Variants in NLGN4Y observed in about 807,000 individuals in gnomAD.
NLGN4Y encodes the protein neuroligin-4, Y-linked.
A neutral mutation model predicts 8.4 loss-of-function variants in NLGN4Y; 4 were observed. The observed-to-expected ratio is 0.48, with a 90% confidence interval of 0.23 to 1.09. The LOEUF (loss-of-function observed/expected upper bound fraction) is 1.09. Among genes scored for constraint, NLGN4Y ranks in the 50% least tolerant of loss-of-function variants. The pLI is 0.19. For missense variants in NLGN4Y, 90 were observed against 192.3 expected (o/e 0.47, Z 3.15); for synonymous variants, 35 against 75.6 (o/e 0.46, Z 2.78).
chrY:14,678,568 G>A, intron 2 of NLGN4Y, among the ~76,000 whole-genome samples: 2 of 33,239 alleles, frequency 6.0e-5, no homozygotes, highest in African/African-American at 2.3e-4. Flanking sequence ...ATAGTGAGAA[G>A]GTGTCATGTC....
chrY:14,664,413 C>G, intron 2 of NLGN4Y, among the ~76,000 whole-genome samples: 1 of 33,007 alleles, frequency 3.0e-5, no homozygotes, highest in Non-Finnish European at 7.5e-5. Flanking sequence ...AACACCCAGC[C>G]CCACCACATA....
intron 2 of NLGN4Y, among the ~76,000 whole-genome samples, chrY:14,661,197 G>T: frequency 5.9e-5 from 2 of 33,801 alleles, no homozygotes; most frequent in Non-Finnish European, 7.3e-5. Flanking sequence ...GCAGCAACGT[G>T]CATGTGGCTG....
At chrY:14,778,289 G>A in intron 4 of NLGN4Y, among the ~76,000 whole-genome samples, 1 of 32,804 alleles carries the variant, frequency 3.0e-5, no homozygotes, top group Non-Finnish European at 7.5e-5. Context: ...AATTTTATTA[G>A]GTTGAGCACA....
intron 2 of NLGN4Y, among the ~76,000 whole-genome samples, chrY:14,660,135 G>T: frequency 3.0e-5 from 1 of 32,991 alleles, no homozygotes; most frequent in South Asian, 6.7e-4. Context: ...TTAAAATGAG[G>T]TTAGTCTCAT....
intron 2 of NLGN4Y, among the ~76,000 whole-genome samples, chrY:14,634,495 G>A (rs906788807): frequency 2.7e-4 from 9 of 33,509 alleles, no homozygotes; most frequent in Admixed American, 1.9e-3. Context: ...GCTGAGGTGG[G>A]AGGATCACTT....
chrY:14,594,567 T>TAA, intron 1 of NLGN4Y, among the ~76,000 whole-genome samples: 1 of 32,647 alleles, frequency 3.1e-5, no homozygotes, highest in South Asian at 7.1e-4. Flanking sequence ...CCAGGTTTAA[T>TAA]AATGTCTCTA....
chrY:14,730,398 A>G (rs2080967828), intron 4 of NLGN4Y, among the ~76,000 whole-genome samples: 1 of 32,599 alleles, frequency 3.1e-5, no homozygotes, highest in Admixed American at 2.8e-4. Context: ...TCAGAATAAG[A>G]CTCCATCTAA....
intron 1 of NLGN4Y, among the ~76,000 whole-genome samples, chrY:14,545,559 T>C (rs1603499261): frequency 3.0e-5 from 1 of 33,875 alleles, no homozygotes; most frequent in African/African-American, 1.2e-4. Flanking sequence ...TCATGTGTTT[T>C]TTGGCTGCAT....
intron 2 of NLGN4Y, among the ~76,000 whole-genome samples, chrY:14,627,396 G>T: frequency 5.9e-5 from 2 of 33,666 alleles, no homozygotes; most frequent in Admixed American, 2.6e-4. Flanking sequence ...CCACCGTTGG[G>T]GGGGCTAGGG....
chrY:14,608,379 A>G (rs2080454633), intron 1 of NLGN4Y, among the ~76,000 whole-genome samples: 1 of 33,320 alleles, frequency 3.0e-5, no homozygotes, highest in Non-Finnish European at 7.4e-5. Context: ...TAATTTTTGT[A>G]TAAGGTGTTA....
chrY:14,779,039 G>C, intron 4 of NLGN4Y, among the ~76,000 whole-genome samples: 1 of 32,292 alleles, frequency 3.1e-5, no homozygotes, highest in South Asian at 7.3e-4. Flanking sequence ...CTCCTGAGTA[G>C]CTGAGGTGAC....
chrY:14,758,303 G>C (rs757769308), intron 4 of NLGN4Y, among the ~76,000 whole-genome samples: 11 of 33,603 alleles, frequency 3.3e-4, no homozygotes, highest in Non-Finnish European at 5.2e-4. Flanking sequence ...TGGAATTCAA[G>C]GTTCTTTCAT....
In NLGN4Y at chrY:14,534,768, C is replaced by CGTGTGTGT. The variant is rs112527610; in HGVS notation, c.-112+10091_-112+10098dup. On this transcript the variant is annotated intron_variant, in intron 1 of 6. Transcript: ENST00000684976. ...AGTTTTATCTGAATATTTTATCTCT[C>CGTGTGTGT]GTGTGTGTGTGTGTGTGTGTGTGTG... Among the ~76,000 whole-genome samples, 20 of 20,149 alleles carry CGTGTGTGT rather than the reference C, an allele frequency of 9.9e-4. No homozygotes were observed. The East Asian group carries it at 0.024, about 24-fold the overall frequency. The allele number at this position is 20,149 out of a possible 37,273, so 54.1% of individuals were successfully genotyped here.
chrY:14,712,146 C>T, intron 2 of NLGN4Y, among the ~76,000 whole-genome samples: 1 of 30,866 alleles, frequency 3.2e-5, no homozygotes, highest in African/African-American at 1.3e-4. Flanking sequence ...TATTTCAGAA[C>T]ATGAAAAAAG....
At chrY:14,567,681 G>A (rs2150478756) in intron 1 of NLGN4Y, among the ~76,000 whole-genome samples, 1 of 23,456 alleles carries the variant, frequency 4.3e-5, no homozygotes, top group South Asian at 1.1e-3. Context: ...GTATACAAGT[G>A]TGTGCCACCA....
At chrY:14,780,000 G>A (rs989228335) in intron 4 of NLGN4Y, among the ~76,000 whole-genome samples, 8 of 33,305 alleles carry the variant, frequency 2.4e-4, no homozygotes, top group Admixed American at 1.1e-3. Flanking sequence ...TTGGAAATAA[G>A]CATCTGACCT....
At chrY:14,610,730 G>A (rs2080464408) in intron 1 of NLGN4Y, among the ~76,000 whole-genome samples, 2 of 32,491 alleles carry the variant, frequency 6.2e-5, no homozygotes, top group Admixed American at 5.7e-4. Context: ...TGCTTGGTCC[G>A]GAGCTGAGTT....
At chrY:14,583,614 C>A in intron 1 of NLGN4Y, among the ~76,000 whole-genome samples, 1 of 33,575 alleles carries the variant, frequency 3.0e-5, no homozygotes, top group South Asian at 6.6e-4. Flanking sequence ...CATATTTGTT[C>A]CTGATACACA....
rs781568847 is a variant in NLGN4Y at position 14,818,155 on chromosome Y, G to C, written c.686-6033G>C. Among the ~76,000 whole-genome samples, 3 of 31,808 alleles carry C rather than the reference G, an allele frequency of 9.4e-5. No homozygotes were observed. The South Asian group carries it at 2.2e-3, about 24-fold the overall frequency. 85.3% of individuals were successfully genotyped at this position (31,808 alleles called of 37,273 possible). A position where few individuals can be genotyped will look rare whatever the true frequency, so the allele number is the denominator to read the frequency against. The stretch of plus-strand genomic sequence containing the variant: ...CCAACATTTTTTGCCCTTCCGAACT[G>C]TCCTTACAATGCCCAGACTCCAGGG... On this transcript the variant is annotated intron_variant, in intron 4 of 6. Coordinates refer to ENST00000684976, the MANE Select transcript of NLGN4Y (RefSeq NM_001365588.1).
Sources: gnomAD v4.1 joint callset for allele counts (sites outside exome capture counted in the v4.1 genomes callset) on GRCh38, gnomAD v4.1.1 for gene constraint, MANE v1.5 for transcripts, NCBI Gene and HGNC (gene_info 2026-07-23, HGNC 2026-07-21) for gene names.